Variants in SSU72 observed in about 807,000 individuals in gnomAD.
The protein encoded by SSU72 is SSU72 homolog, RNA polymerase II CTD phosphatase.
SSU72 carries 12 observed loss-of-function variants against 22.7 expected under a neutral mutation model. The ratio of observed to expected loss-of-function variants is 0.53; its 90% CI spans 0.34 to 0.86. SSU72 has a LOEUF of 0.86. Ranked by LOEUF, SSU72 falls within the 40% of genes least tolerant of loss-of-function variation. The pLI, the probability that SSU72 is intolerant of heterozygous loss-of-function variation, is 0.02. For synonymous variants in SSU72, 116 were observed against 98.3 expected, an observed-to-expected ratio of 1.18 and a Z score of -1.06; for missense variants, 151 against 249.8, an observed-to-expected ratio of 0.60 and a Z score of 2.67.
intron 1 of SSU72, among the ~76,000 whole-genome samples, chr1:1,568,705 A>G (rs1041361822): frequency 3.3e-5 from 5 of 152,034 alleles, no homozygotes; most frequent in African/African-American, 1.2e-4. Context: ...AGGACGGATC[A>G]CTTGAGGTCG....
chr1:1,574,657 C>A lies in SSU72; in HGVS notation c.-100G>T, dbSNP rs1449618423. Reference sequence around the variant, plus strand: ...GGCGGCCGCGGTGGCCGGAAGCGGGCGACGCGAAACGACGGCGCCGGCGGT... The same window carrying A: ...GGCGGCCGCGGTGGCCGGAAGCGGGAGACGCGAAACGACGGCGCCGGCGGT... On this transcript the variant is annotated 5_prime_UTR_variant, in exon 1 of 5. Transcript: ENST00000291386. The A allele has an allele frequency of 3.8e-6, 2 of 526,780 alleles. No homozygotes were observed. The highest frequency in any genetic ancestry group is 4.4e-6 in the Non-Finnish European group (2 of 453,038). The allele number at this position is 526,780 out of a possible 1,614,324, so 32.6% of individuals were successfully genotyped here. A position where few individuals can be genotyped will look rare whatever the true frequency, so the allele number is the denominator to read the frequency against.
At chr1:1,567,851 T>G (rs1358336919) in intron 1 of SSU72, among the ~76,000 whole-genome samples, 1 of 144,716 alleles carries the variant, frequency 6.9e-6, no homozygotes, top group African/African-American at 2.6e-5. Context: ...AAGCGGAGGT[T>G]GCAGTGAGCC....
chr1:1,548,696 G>A (rs932449083), intron 2 of SSU72, among the ~76,000 whole-genome samples: 3 of 152,150 alleles, frequency 2.0e-5, no homozygotes, highest in African/African-American at 4.8e-5. Flanking sequence ...CATGGACCGC[G>A]GTGAGGAAGG....
At chr1:1,557,496 A>G (rs370253685) in intron 2 of SSU72, among the ~76,000 whole-genome samples, 2 of 47,336 alleles carry the variant, frequency 4.2e-5, no homozygotes, top group Non-Finnish European at 5.7e-5. Context: ...CTGAATTAGC[A>G]TATATATATA....
chr1:1,543,754 TCACGGCCTCGGC>T, intron 4 of SSU72, 103 bp downstream of exon 4: 2 of 626,574 alleles, frequency 3.2e-6, no homozygotes, highest in Non-Finnish European at 5.0e-6. Context: ...CTCCCCTCTG[TCACGGCCTCGGC>T]CACCCCCTCT....
intron 2 of SSU72, among the ~76,000 whole-genome samples, chr1:1,560,053 T>C (rs1467510926): frequency 6.6e-6 from 1 of 152,180 alleles, no homozygotes; most frequent in Non-Finnish European, 1.5e-5. Context: ...GACAGGGTTT[T>C]ACCCTGTTGG....
intron 2 of SSU72, among the ~76,000 whole-genome samples, chr1:1,548,287 G>A (rs550138946): frequency 8.4e-4 from 128 of 152,312 alleles, no homozygotes; most frequent in Non-Finnish European, 1.5e-3. Flanking sequence ...AGCTGGGCGC[G>A]GTGGCTCACA....
chr1:1,570,484 A>G (rs866428729), intron 1 of SSU72, among the ~76,000 whole-genome samples: 2 of 151,364 alleles, frequency 1.3e-5, no homozygotes, highest in South Asian at 2.1e-4. Context: ...GAAGAGCCAC[A>G]TGCAAGATGG....
At chr1:1,557,623 C>T (rs180966791) in intron 2 of SSU72, among the ~76,000 whole-genome samples, 1 of 151,748 alleles carries the variant, frequency 6.6e-6, no homozygotes, top group African/African-American at 2.4e-5. Flanking sequence ...GGTGAAACCC[C>T]ATCTCTACTA....
At chr1:1,547,828 G>C (rs904511683) in intron 2 of SSU72, among the ~76,000 whole-genome samples, 1 of 152,240 alleles carries the variant, frequency 6.6e-6, no homozygotes, top group African/African-American at 2.4e-5. Flanking sequence ...CTGCCGGGCG[G>C]GAGGAAGGGG....
chr1:1,545,016 T>G lies in SSU72; in HGVS notation c.225-14A>C. The G allele has an allele frequency of 6.2e-7, 1 of 1,610,606 alleles. No individual in the cohort carries two copies. The highest frequency in any genetic ancestry group is 8.5e-7 in the Non-Finnish European group (1 of 1,177,526). ...TTCTGTGTATAGCTACACATGGGAGTTAAGGAACGTCAGAGAAAAGGCATC... is the reference window on the plus strand; with the variant it reads ...TTCTGTGTATAGCTACACATGGGAGGTAAGGAACGTCAGAGAAAAGGCATC... On this transcript the variant is annotated splice_polypyrimidine_tract_variant and intron_variant, in intron 2 of 4. Coordinates refer to ENST00000291386, the MANE Select transcript of SSU72 (RefSeq NM_014188.3).
chr1:1,564,849 C>A lies in SSU72; in HGVS notation c.148G>T (p.Asp50Tyr). The change falls in exon 2 of 5, where the codon GAC becomes TAC. Residue 50 changes from aspartate (D) to tyrosine (Y), a missense_variant. Asp to Tyr is a radical substitution (Grantham distance 160). Coordinates refer to ENST00000291386, the MANE Select transcript of SSU72 (RefSeq NM_014188.3). ...TTGAAATCATAAACATTGGGCTTGT[C>A]GGGAGCTGGTCCTGGAAGCTTCACG... is the stretch of plus-strand genomic sequence containing the variant. Reference protein sequence around the residue: ...THVKLPGPAPDKPNVYDFKTT... With the variant: ...THVKLPGPAPYKPNVYDFKTT... 1 of 1,614,052 alleles carries A rather than the reference C, an allele frequency of 6.2e-7. No homozygotes were observed. Among genetic ancestry groups the A allele is most frequent in the Non-Finnish European group, 8.5e-7 (1 of 1,180,004 alleles).
chr1:1,564,533 C>T lies in SSU72; in HGVS notation c.224+240G>A, dbSNP rs182959250. ...TATGTCACGACCCTCTGCTGAACCA[C>T]GTCAGGGTGAACCCCACACCGTGTC... On this transcript the variant is annotated intron_variant, in intron 2 of 4. Transcript: ENST00000291386. 101 of 1,546,116 alleles carry T rather than the reference C, an allele frequency of 6.5e-5. No homozygotes were observed. The Admixed American group carries it at 1.3e-3, about 21-fold the overall frequency.
At position 1,553,346 on chromosome 1, in the gene SSU72, A is replaced by G. The variant is rs1007261327; in HGVS notation, c.225-8344T>C. ...TTTAGTTATTTAAAAAAATAATAAT[A>G]CAGTAGTTGTTTTGCCAGGAAATTC... On this transcript the variant is annotated intron_variant, in intron 2 of 4. Coordinates refer to ENST00000291386, the MANE Select transcript of SSU72 (RefSeq NM_014188.3). 3.3e-5 allele frequency among the ~76,000 whole-genome samples: 5 copies of G among 152,164 alleles called. 1 individual carries two copies. Among genetic ancestry groups the G allele is most frequent in the Admixed American group, 3.3e-4 (5 of 15,260 alleles).
intron 2 of SSU72, chr1:1,563,032 G>C (rs1642614022): frequency 6.6e-6 from 1 of 152,406 alleles, no homozygotes; most frequent in African/African-American, 2.4e-5. Flanking sequence ...GGCAGGCCGG[G>C]CTGGGGAGCT....
chr1:1,544,942 T>C lies in SSU72; in HGVS notation c.285A>G (p.Pro95=). The C allele has an allele frequency of 1.2e-6, 2 of 1,614,258 alleles. No homozygotes were observed. Among genetic ancestry groups the C allele is most frequent in the South Asian group, 1.1e-5 (1 of 91,088 alleles). Residue 95 remains proline (P), a synonymous_variant, in exon 3 of 5, where the codon CCA becomes CCG. Coordinates refer to ENST00000291386, the MANE Select transcript of SSU72 (RefSeq NM_014188.3). ...LDRNKRIKPR[P]ERFQNCKDLF... is the part of the protein sequence containing the mutation. ...GGTCTTTGCAGTTCTGGAATCTTTCTGGCCGGGGCTTGATTCTCTTATTTC... is the reference window on the plus strand; with the variant it reads ...GGTCTTTGCAGTTCTGGAATCTTTCCGGCCGGGGCTTGATTCTCTTATTTC...
At chr1:1,560,917 G>A (rs909027833) in intron 2 of SSU72, 2 of 152,210 alleles carry the variant, frequency 1.3e-5, no homozygotes, top group African/African-American at 4.8e-5. Flanking sequence ...GGCTCAGTGT[G>A]TGCATGTCCT....
chr1:1,542,041 A>C lies in SSU72; in HGVS notation c.*25T>G, dbSNP rs1311043103. 6.4e-7 allele frequency: 1 copy of C among 1,556,944 alleles called. No individual in the cohort carries two copies. The highest frequency in any genetic ancestry group is 1.4e-5 in the African/African-American group (1 of 73,598). On this transcript the variant is annotated 3_prime_UTR_variant, in exon 5 of 5. Transcript: ENST00000291386. The surrounding 1 kb of genome is among the most constrained non-coding windows in gnomAD (Gnocchi z 4.4). ...AAGTATGAACAACAGGAAGCTCCAGAGGCGGCTCCATGCGGGCGCTGGGCT... is the reference window on the plus strand; with the variant it reads ...AAGTATGAACAACAGGAAGCTCCAGCGGCGGCTCCATGCGGGCGCTGGGCT...
chr1:1,559,958 T>C (rs1230138218), intron 2 of SSU72, among the ~76,000 whole-genome samples: 1 of 152,064 alleles, frequency 6.6e-6, no homozygotes, highest in Non-Finnish European at 1.5e-5. Flanking sequence ...CTCTCGACCT[T>C]GGGTGATCCG....
Sources: allele counts gnomAD v4.1 joint callset (sites outside exome capture counted in the v4.1 genomes callset), GRCh38; gene constraint gnomAD v4.1.1; non-coding constraint Gnocchi (gnomAD v3.1); transcripts MANE v1.5; gene names NCBI Gene and HGNC (gene_info 2026-07-23, HGNC 2026-07-21).